The following DNAH2 variants were observed in gnomAD, a reference collection of about 807,000 sequenced individuals.
DNAH2 encodes the protein dynein axonemal heavy chain 2, also known as axonemal beta dynein heavy chain 2.
DNAH2 carries 323 observed loss-of-function variants against 523.5 expected under a neutral mutation model. The ratio of observed to expected loss-of-function variants is 0.62; its 90% confidence interval spans 0.56 to 0.68. The LOEUF (loss-of-function observed/expected upper bound fraction) is 0.68. Among genes scored for constraint, DNAH2 ranks in the 30% least tolerant of loss-of-function variants. DNAH2 has a pLI of 0.00. For synonymous variants in DNAH2, 2,093 were observed against 2,177.4 expected (o/e 0.96, Z 1.08); for missense variants, 4,907 against 5,701.5 (o/e 0.86, Z 4.49).
intron 11 of DNAH2, among the ~76,000 whole-genome samples, chr17:7,741,547 A>T (rs1286873720): frequency 6.6e-6 from 1 of 151,550 alleles, no homozygotes; most frequent in Non-Finnish European, 1.5e-5. Context: ...TTTAGTAGAG[A>T]TGGGGTTTCA....
chr17:7,833,593 T>A lies in DNAH2; in HGVS notation c.*60T>A, dbSNP rs2151359588. 1.9e-6 allele frequency: 3 copies of A among 1,603,512 alleles called. No individual in the cohort carries two copies. The highest frequency in any genetic ancestry group is 2.5e-6 in the Non-Finnish European group (3 of 1,178,754). On this transcript the variant is annotated 3_prime_UTR_variant, in exon 86 of 86. Transcript: ENST00000572933. ...CAGGGACTCCAGGAGCTAAGACAGA[T>A]GTTGCACCTAGGACTGAGGCCGGAC...
chr17:7,805,855 A>G (rs2077353674), intron 61 of DNAH2, among the ~76,000 whole-genome samples: 1 of 142,048 alleles, frequency 7.0e-6, no homozygotes, highest in African/African-American at 2.4e-5. Flanking sequence ...CCCTGTCTCC[A>G]AAGAAAAAAA....
At chr17:7,818,159 A>G (rs897098528) in intron 68 of DNAH2, 63 bp downstream of exon 68, 2 of 1,604,642 alleles carry the variant, frequency 1.2e-6, no homozygotes, top group African/African-American at 2.7e-5. Context: ...TGGCTCTCTG[A>G]CTGTGTCCTC....
Position 7,799,208 on chromosome 17 carries a change from G to C in DNAH2, c.8665G>C (p.Val2889Leu). ...ACGCGTGCAGAACAACCTGCACATC[G>C]TGCTCTGCCTCAGCCCCATGGGGGA... ...IERVQNNLHI[V>L]LCLSPMGDPF... Residue 2889 changes from valine (V) to leucine (L), a missense_variant, in exon 56 of 86, where the codon GTG becomes CTG. By Grantham distance (32) the Val-to-Leu change is conservative (BLOSUM62 1). Around this residue, in one of 3 missense-constraint regions of DNAH2, gnomAD observed 1,851 missense variants for 2,139.4 expected, o/e 0.87. Coordinates refer to ENST00000572933, the MANE Select transcript of DNAH2 (RefSeq NM_020877.5). 1 of 1,614,206 alleles carries C rather than the reference G, an allele frequency of 6.2e-7. No individual in the cohort carries two copies. Among genetic ancestry groups the C allele is most frequent in the African/African-American group, 1.3e-5 (1 of 75,058 alleles).
chr17:7,782,560 A>T (rs1291926532), intron 39 of DNAH2, among the ~76,000 whole-genome samples: 6 of 152,230 alleles, frequency 3.9e-5, no homozygotes, highest in Admixed American at 3.9e-4. Context: ...CAAGAAAATG[A>T]GCAACTCATG....
At chr17:7,756,917 T>C (rs1182241289) in intron 12 of DNAH2, among the ~76,000 whole-genome samples, 174 bp from the exon 13 acceptor site, 1 of 152,228 alleles carries the variant, frequency 6.6e-6, no homozygotes, top group African/African-American at 2.4e-5. Flanking sequence ...GTGATCCGCC[T>C]GCCTCGGCCC....
rs138417806 is a variant in DNAH2 at position 7,735,520 on chromosome 17, C to T, written c.978+812C>T. 7.6e-3 allele frequency among the ~76,000 whole-genome samples: 1,162 copies of T among 152,250 alleles called. 15 individuals are homozygous for T. The highest frequency in any genetic ancestry group is 0.026 in the African/African-American group (1,094 of 41,544). ...GTGGCACGATCTCGGCTCACTGCAA[C>T]CTCTACCTCCTGGGCTCAAGGGATC... On this transcript the variant is annotated intron_variant, in intron 7 of 85. Coordinates refer to ENST00000572933, the MANE Select transcript of DNAH2 (RefSeq NM_020877.5).
At chr17:7,746,206 G>A (rs2075513958) in intron 12 of DNAH2, among the ~76,000 whole-genome samples, 1 of 152,134 alleles carries the variant, frequency 6.6e-6, no homozygotes, top group Non-Finnish European at 1.5e-5. Context: ...TTTACAAAGG[G>A]CTAATATAGG....
intron 24 of DNAH2, among the ~76,000 whole-genome samples, chr17:7,769,710 TAAAG>T (rs2076264347): frequency 6.6e-6 from 1 of 152,214 alleles, no homozygotes; most frequent in African/African-American, 2.4e-5. Flanking sequence ...TTTATAAAAA[TAAAG>T]TAATTTTTAT....
rs376041729 is a variant in DNAH2, at chr17:7,734,719, G to A, written c.978+11G>A. 1.7e-5 allele frequency: 27 copies of A among 1,610,494 alleles called. No homozygotes were observed. Among genetic ancestry groups the A allele is most frequent in the East Asian group, 6.7e-5 (3 of 44,804 alleles). On this transcript the variant is annotated intron_variant, in intron 7 of 85. Coordinates refer to ENST00000572933, the MANE Select transcript of DNAH2 (RefSeq NM_020877.5). ...GCACAGCAGATCCAGGTTTGTGAGC[G>A]AATCAAAGGATTCAGGCTCAGCAAG...
At chr17:7,757,382 T>C in intron 13 of DNAH2, 145 bp downstream of exon 13, 1 of 1,098,480 alleles carries the variant, frequency 9.1e-7, no homozygotes, top group Non-Finnish European at 1.3e-6. Context: ...TGTCTCCCAC[T>C]CTTACGGCCC....
chr17:7,807,619 C>T lies in DNAH2; in HGVS notation c.9729+33C>T. The T allele has an allele frequency of 2.5e-6, 4 of 1,579,288 alleles. No individual in the cohort carries two copies. The highest frequency in any genetic ancestry group is 3.5e-6 in the Non-Finnish European group (4 of 1,155,718). ...GATCGCCTGTCCTTTCCACGGAGGT[C>T]CCTCTCCCTGAGTTCTGGATTGCTT... On this transcript the variant is annotated intron_variant, in intron 63 of 85. Coordinates refer to ENST00000572933, the MANE Select transcript of DNAH2 (RefSeq NM_020877.5). This position sits in a 1 kb window ranked among gnomAD's most constrained non-coding sequence, Gnocchi z 5.6.
intron 36 of DNAH2, among the ~76,000 whole-genome samples, 159 bp downstream of exon 36, chr17:7,779,582 T>C (rs2076548736): frequency 6.6e-6 from 1 of 152,160 alleles, no homozygotes; most frequent in African/African-American, 2.4e-5. Context: ...AAACACAACT[T>C]TCCGGGAGAA....
chr17:7,772,624 G>A (rs925578720), intron 28 of DNAH2, among the ~76,000 whole-genome samples: 2 of 152,084 alleles, frequency 1.3e-5, no homozygotes, highest in African/African-American at 4.8e-5. Flanking sequence ...TCTTCAGAAA[G>A]CTAGGAACTG....
Position 7,833,388 on chromosome 17 carries a change from C to G in DNAH2, c.13139C>G (p.Ser4380Cys), listed in dbSNP as rs767345556. Residue 4380 changes from serine to cysteine, a missense_variant, in exon 86 of 86, where the codon TCC becomes TGC. Ser to Cys is a moderately radical substitution (Grantham distance 112). Transcript: ENST00000572933. ...SRKKSAKGMY[S>C]CPCYYYPNRA... ...CTCTCCTTTCCCCCAGGCATGTACT[C>G]CTGCCCCTGCTATTACTATCCCAAC... 7.2e-5 allele frequency: 117 copies of G among 1,614,000 alleles called. No homozygotes were observed. The highest frequency in any genetic ancestry group is 3.3e-4 in the Middle Eastern group (2 of 6,058).
At position 7,743,007 on chromosome 17, in the gene DNAH2, C is replaced by T; in HGVS notation, c.1769C>T (p.Ala590Val). The T allele has an allele frequency of 6.6e-7, 1 of 1,522,534 alleles. No individual in the cohort carries two copies. Among genetic ancestry groups the T allele is most frequent in the South Asian group, 1.3e-5 (1 of 74,602 alleles). 94.3% of individuals were successfully genotyped at this position (1,522,534 alleles called of 1,614,324 possible). A position where few individuals can be genotyped will look rare whatever the true frequency, so the allele number is the denominator to read the frequency against. The part of the protein sequence containing the change: ...SVHTYQQMVQ[A>V]IDELVRKTFQ... ...CACACCTATCAGCAGATGGTCCAGG[C>T]CATTGATGAGCTGGTTCGAAAAACC... The change falls in exon 12 of 86, where the codon GCC becomes GTC. Residue 590 changes from alanine to valine, a missense_variant. Physicochemically the swap from Ala to Val is moderately conservative, Grantham distance 64. Coordinates refer to ENST00000572933, the MANE Select transcript of DNAH2 (RefSeq NM_020877.5).
chr17:7,756,279 T>G (rs2075834017), intron 12 of DNAH2, among the ~76,000 whole-genome samples: 1 of 151,452 alleles, frequency 6.6e-6, no homozygotes, highest in South Asian at 2.1e-4. Context: ...ATTAACTAAT[T>G]AATTTATTTA....
Position 7,805,186 on chromosome 17 carries a change from C to T in DNAH2, c.9301-66C>T, listed in dbSNP as rs572562525. The T allele has an allele frequency of 1.4e-5, 22 of 1,599,368 alleles. No homozygotes were observed. The African/African-American group carries it at 2.1e-4, about 16-fold the overall frequency. On this transcript the variant is annotated intron_variant, in intron 60 of 85. Coordinates refer to ENST00000572933, the MANE Select transcript of DNAH2 (RefSeq NM_020877.5). ...CTGGGGAAGTGGGAAGAAGAGGTGG[C>T]ACCTCAGCTAGGTTCTGTCTCCAGA...
chr17:7,767,866 G>A, intron 22 of DNAH2, 34 bp from the exon 23 acceptor site: 1 of 1,612,810 alleles, frequency 6.2e-7, no homozygotes, highest in Non-Finnish European at 8.5e-7. Context: ...GAGGGCAGGT[G>A]CCACTTCATG....
Sources: gnomAD v4.1 joint callset for allele counts (sites outside exome capture counted in the v4.1 genomes callset) on GRCh38, gnomAD v4.1.1 for gene constraint, gnomAD v4.1.1 regional missense constraint, Gnocchi (gnomAD v3.1) non-coding constraint, MANE v1.5 for transcripts, NCBI Gene and HGNC (gene_info 2026-07-23, HGNC 2026-07-21) for gene names.